PADI4: variants seen among roughly 807,000 people sequenced by gnomAD.
PADI4 encodes protein-arginine deiminase type-4.
PADI4 carries 62 observed loss-of-function variants against 75.0 expected under a neutral mutation model. That is an observed-to-expected ratio of 0.83 (90% CI 0.67 to 1.02). The LOEUF is 1.02. Ranked by LOEUF, PADI4 falls within the 50% of genes least tolerant of loss-of-function variation. PADI4 has a pLI of 0.00. For synonymous variants in PADI4, 361 were observed against 348.1 expected, an observed-to-expected ratio of 1.04 and a Z score of -0.41; for missense variants, 845 against 850.5, an observed-to-expected ratio of 0.99 and a Z score of 0.08.
intron 5 of PADI4, among the ~76,000 whole-genome samples, chr1:17,338,937 T>C (rs1411734512): frequency 6.6e-6 from 1 of 152,336 alleles, no homozygotes; most frequent in Non-Finnish European, 1.5e-5. Context: ...ACAGCCTCTG[T>C]ACAGTGCCTG....
chr1:17,316,562 C>T lies in PADI4; in HGVS notation c.92+8248C>T, dbSNP rs904413685. Among the ~76,000 whole-genome samples, 96 of 151,184 alleles carry T rather than the reference C, an allele frequency of 6.3e-4. 1 individual carries two copies. The highest frequency in any genetic ancestry group is 5.8e-3 in the Admixed American group (88 of 15,156). Reference sequence around the variant, plus strand: ...AAAATTAGCCAGGCCTGGTGGCGGGCGCCTGTAGTCCCAGCTACTTGGGAG... The same window carrying T: ...AAAATTAGCCAGGCCTGGTGGCGGGTGCCTGTAGTCCCAGCTACTTGGGAG... On this transcript the variant is annotated intron_variant, in intron 1 of 15. Transcript: ENST00000375448.
intron 15 of PADI4, among the ~76,000 whole-genome samples, chr1:17,361,349 C>T (rs895918024): frequency 3.9e-5 from 6 of 152,250 alleles, no homozygotes; most frequent in Non-Finnish European, 7.3e-5. Flanking sequence ...AAGTGGACGC[C>T]CGCGGCTATG....
At chr1:17,329,006 TTTA>T (rs963022929) in intron 1 of PADI4, among the ~76,000 whole-genome samples, 2 of 146,872 alleles carry the variant, frequency 1.4e-5, no homozygotes, top group African/African-American at 5.1e-5. Context: ...TATTATGATA[TTTA>T]TTAAGATATC....
Position 17,318,645 on chromosome 1 carries a change from C to T in PADI4, c.92+10331C>T, listed in dbSNP as rs184969962. Among the ~76,000 whole-genome samples the T allele has an allele frequency of 7.3e-4, 110 of 151,634 alleles. 1 individual carries two copies. The highest frequency in any genetic ancestry group is 3.4e-3 in the Middle Eastern group (1 of 290). The stretch of plus-strand genomic sequence containing the variant: ...ACATTTTTATATTTTCACCTTTTGC[C>T]GTTCATATGCACACAAGGCGAAAAT... On this transcript the variant is annotated intron_variant, in intron 1 of 15. Transcript: ENST00000375448.
At chr1:17,324,806 G>A (rs1253760891) in intron 1 of PADI4, among the ~76,000 whole-genome samples, 1 of 152,234 alleles carries the variant, frequency 6.6e-6, no homozygotes, top group African/African-American at 2.4e-5. Flanking sequence ...TGTATGGTGT[G>A]AGGCTGGGAT....
rs1250543163 is a variant in PADI4 at position 17,351,073 on chromosome 1, C to CTG, written c.1155+3027_1155+3028dup. Among the ~76,000 whole-genome samples the CTG allele has an allele frequency of 6.3e-5, 8 of 127,694 alleles. 2 individuals are homozygous for CTG. The highest frequency in any genetic ancestry group is 1.4e-4 in the Non-Finnish European group (8 of 56,688). 83.8% of individuals were successfully genotyped at this position (127,694 alleles called of 152,430 possible). The stretch of plus-strand genomic sequence containing the variant: ...ATTAACTAGGCATGGTAACACATGC[C>CTG]TGTAGTCCCAACTACTAGAGAGGCT... On this transcript the variant is annotated intron_variant, in intron 10 of 15. Transcript: ENST00000375448.
At chr1:17,318,910 G>A (rs1460712221) in intron 1 of PADI4, among the ~76,000 whole-genome samples, 4 of 151,924 alleles carry the variant, frequency 2.6e-5, no homozygotes, top group Admixed American at 6.6e-5. Flanking sequence ...GGATGGTCTC[G>A]ATCTCCTGAC....
intron 11 of PADI4, among the ~76,000 whole-genome samples, chr1:17,354,907 G>A (rs2074734370): frequency 1.3e-5 from 2 of 152,324 alleles, no homozygotes; most frequent in Non-Finnish European, 2.9e-5. Context: ...CTTTCAGTCA[G>A]TGAATATTTA....
chr1:17,312,454 C>G, intron 1 of PADI4, among the ~76,000 whole-genome samples: 1 of 94,290 alleles, frequency 1.1e-5, no homozygotes, highest in African/African-American at 3.9e-5. Flanking sequence ...GAGTGAAACT[C>G]CGCCTCAAAA....
intron 3 of PADI4, chr1:17,334,286 TC>T (rs1046099506): frequency 4.4e-6 from 2 of 456,484 alleles, no homozygotes; most frequent in African/African-American, 4.1e-5. Context: ...ACTTGGATTT[TC>T]AATATATGCA....
intron 3 of PADI4, among the ~76,000 whole-genome samples, chr1:17,335,164 C>CACAT (rs2074288289): frequency 6.6e-6 from 1 of 151,176 alleles, no homozygotes; most frequent in Non-Finnish European, 1.5e-5. Flanking sequence ...TATACACACA[C>CACAT]ATATATATAT....
chr1:17,345,934 G>C, intron 8 of PADI4, 94 bp from the exon 9 acceptor site: 1 of 758,678 alleles, frequency 1.3e-6, no homozygotes, highest in Non-Finnish European at 2.3e-6. Context: ...CAGGCCACAG[G>C]TGACCCCTGA....
chr1:17,340,241 A>C (rs2074393544), intron 6 of PADI4, among the ~76,000 whole-genome samples: 1 of 152,170 alleles, frequency 6.6e-6, no homozygotes, highest in Admixed American at 6.5e-5. Context: ...GCACAGAGCC[A>C]TGACTGTGAC....
In PADI4 at chr1:17,333,979, G is replaced by A. The variant is rs138247576; in HGVS notation, c.310G>A (p.Val104Ile). 768 of 1,613,086 alleles carry A rather than the reference G, an allele frequency of 4.8e-4. No homozygotes were observed. Among genetic ancestry groups the A allele is most frequent in the Non-Finnish European group, 5.9e-4 (690 of 1,179,076 alleles). ...ATACTACGGACCCAAGACTCCACCA[G>A]TCAAAGCTCTACTCTACCTCACCGG... is the stretch of plus-strand genomic sequence containing the variant. ...ISYYGPKTPP[V>I]KALLYLTGVE... Residue 104 changes from valine to isoleucine, a missense_variant, in exon 3 of 16, where the codon GTC becomes ATC. Coordinates refer to ENST00000375448, the MANE Select transcript of PADI4 (RefSeq NM_012387.3).
In PADI4 at chr1:17,342,283, AC is replaced by A. The variant is rs757834604; in HGVS notation, c.832-11del. 1.9e-6 allele frequency: 3 copies of A among 1,548,488 alleles called. No homozygotes were observed. The highest frequency in any genetic ancestry group is 2.7e-6 in the Non-Finnish European group (3 of 1,121,838). On this transcript the variant is annotated splice_polypyrimidine_tract_variant and intron_variant, in intron 7 of 15. Coordinates refer to ENST00000375448, the MANE Select transcript of PADI4 (RefSeq NM_012387.3). ...GCGGTGACAGCCCCTCCTTCCCCTT[AC>A]CCCCTCCCCTGCAGGAGCTCCCCGA...
rs752160274 is a variant in PADI4 at position 17,347,959 on chromosome 1, T to G, written c.1066T>G (p.Tyr356Asp). Residue 356 changes from tyrosine (Y) to aspartate (D), a missense_variant, in exon 10 of 16, where the codon TAC (tyrosine) becomes GAC (aspartate). Coordinates refer to ENST00000375448, the MANE Select transcript of PADI4 (RefSeq NM_012387.3). Reference protein sequence around the residue: ...QWMQDEMEIGYIQAPHKTLPV... With the variant: ...QWMQDEMEIGDIQAPHKTLPV... ...CCCACAGGATGAAATGGAGATCGGC[T>G]ACATCCAAGCCCCACACAAAACGCT... 8 of 1,591,042 alleles carry G rather than the reference T, an allele frequency of 5.0e-6. No individual in the cohort carries two copies. The highest frequency in any genetic ancestry group is 6.9e-6 in the Non-Finnish European group (8 of 1,165,726).
At chr1:17,355,422 G>A (rs1483891656) in intron 11 of PADI4, among the ~76,000 whole-genome samples, 1 of 152,076 alleles carries the variant, frequency 6.6e-6, no homozygotes, top group Non-Finnish European at 1.5e-5. Flanking sequence ...GGTGATGCAT[G>A]CCTGTAATCC....
At chr1:17,330,433 C>T (rs2074189867) in intron 1 of PADI4, among the ~76,000 whole-genome samples, 1 of 152,140 alleles carries the variant, frequency 6.6e-6, no homozygotes, top group African/African-American at 2.4e-5. Context: ...CAAAGTCCCA[C>T]GATCTGCAAG....
Position 17,342,356 on chromosome 1 carries a change from A to G in PADI4, c.889A>G (p.Ile297Val). The G allele has an allele frequency of 1.2e-6, 2 of 1,613,932 alleles. No individual in the cohort carries two copies. The highest frequency in any genetic ancestry group is 8.5e-7 in the Non-Finnish European group (1 of 1,179,968). Residue 297 changes from isoleucine to valine, a missense_variant, in exon 8 of 16, where the codon ATC (isoleucine) becomes GTC (valine). Physicochemically the swap from Ile to Val is conservative, Grantham distance 29 (BLOSUM62 3). Transcript: ENST00000375448. ...DSVVFRVAPW[I>V]MTPNTQPPQE... ...CGTGGTCTTCCGCGTGGCGCCCTGG[A>G]TCATGACCCCCAACACCCAGCCCCC...
Sources: gnomAD v4.1 joint callset for allele counts (sites outside exome capture counted in the v4.1 genomes callset) on GRCh38, gnomAD v4.1.1 for gene constraint, MANE v1.5 for transcripts, NCBI Gene and HGNC (gene_info 2026-07-23, HGNC 2026-07-21) for gene names.